The following MSH4 variants were observed in gnomAD, a reference collection of about 807,000 sequenced individuals.
MSH4 encodes the protein mutS protein homolog 4.
In MSH4, 106 loss-of-function variants were observed where a neutral mutation model predicts 113.7. The ratio of observed to expected loss-of-function variants is 0.93; its 90% CI spans 0.80 to 1.10. MSH4 has a LOEUF of 1.10. Among genes scored for constraint, MSH4 ranks in the 50% least tolerant of loss-of-function variants. The pLI is 0.00. For missense variants in MSH4, 1,061 were observed against 1,093.7 expected (o/e 0.97, Z 0.42); for synonymous variants, 368 against 380.2 (o/e 0.97, Z 0.37).
chr1:75,867,673 T>C (rs1284823297), intron 9 of MSH4, 85 bp downstream of exon 9: 11 of 842,650 alleles, frequency 1.3e-5, no homozygotes, highest in Non-Finnish European at 2.1e-5. Context: ...ACTCGGAAAA[T>C]TGCAAGAATA....
intron 9 of MSH4, among the ~76,000 whole-genome samples, chr1:75,870,677 C>T (rs112364509): frequency 0.28 from 42,330 of 152,038 alleles, 6,185 homozygotes; most frequent in Middle Eastern, 0.37. Context: ...TCACCTTCTG[C>T]CATGATTGTG....
intron 13 of MSH4, among the ~76,000 whole-genome samples, chr1:75,880,559 A>G (rs1328500668): frequency 6.6e-6 from 1 of 152,100 alleles, no homozygotes; most frequent in African/African-American, 2.4e-5. Flanking sequence ...ACAGCCAGAA[A>G]GAAGAAGTAG....
intron 7 of MSH4, among the ~76,000 whole-genome samples, chr1:75,829,487 C>T (rs940465872): frequency 2.0e-5 from 3 of 152,178 alleles, no homozygotes; most frequent in Admixed American, 6.5e-5. Context: ...AGACTGCCTC[C>T]CCAAGTGGGG....
intron 19 of MSH4, among the ~76,000 whole-genome samples, chr1:75,905,466 T>G (rs191711949): frequency 6.6e-5 from 10 of 152,268 alleles, no homozygotes; most frequent in Non-Finnish European, 1.5e-4. Flanking sequence ...TGTGGCCTAA[T>G]GTATTGTTTA....
intron 2 of MSH4, among the ~76,000 whole-genome samples, chr1:75,804,290 G>GATTTTATCTACTATTTTATCTA: frequency 6.6e-6 from 1 of 152,040 alleles, no homozygotes; most frequent in East Asian, 1.9e-4. Flanking sequence ...TTGAAGAGTA[G>GATTTTATCTACTATTTTATCTA]ATAGATAAAA....
At chr1:75,831,095 G>C (rs2100529894) in intron 7 of MSH4, among the ~76,000 whole-genome samples, 1 of 152,210 alleles carries the variant, frequency 6.6e-6, no homozygotes, top group East Asian at 1.9e-4. Flanking sequence ...ATGGAGGAAG[G>C]TGTACCAAGC....
At chr1:75,884,975 G>T (rs1652030765) in intron 15 of MSH4, among the ~76,000 whole-genome samples, 1 of 69,940 alleles carries the variant, frequency 1.4e-5, no homozygotes, top group Admixed American at 1.7e-4. Context: ...GTATATGTAT[G>T]TATGTATATA....
chr1:75,828,609 G>A (rs191875862), intron 7 of MSH4, among the ~76,000 whole-genome samples: 128 of 152,192 alleles, frequency 8.4e-4, no homozygotes, highest in African/African-American at 2.9e-3. Flanking sequence ...TAAACATTGG[G>A]TACACATGGG....
chr1:75,879,922 T>G, intron 12 of MSH4, 128 bp from the exon 13 acceptor site: 2 of 607,730 alleles, frequency 3.3e-6, no homozygotes, highest in Non-Finnish European at 5.8e-6. Context: ...ATTTAGAACT[T>G]TCTTTGTGAT....
intron 17 of MSH4, among the ~76,000 whole-genome samples, chr1:75,896,316 T>C (rs938097392): frequency 4.7e-5 from 7 of 148,570 alleles, no homozygotes; most frequent in Admixed American, 1.4e-4. Flanking sequence ...ATGAGCCAAT[T>C]CCATATAATA....
chr1:75,807,148 A>G lies in MSH4; in HGVS notation c.588+7A>G, dbSNP rs372182363. The G allele has an allele frequency of 4.6e-6, 7 of 1,529,528 alleles. No individual in the cohort carries two copies. The highest frequency in any genetic ancestry group is 4.3e-5 in the African/African-American group (3 of 69,728). The allele number at this position is 1,529,528 out of a possible 1,614,324, so 94.7% of individuals were successfully genotyped here. On this transcript the variant is annotated splice_region_variant and intron_variant, in intron 3 of 19. Coordinates refer to ENST00000263187, the MANE Select transcript of MSH4 (RefSeq NM_002440.4). ...CAACACAACATATGCAAAGGTAAGT[A>G]TTAATAATTCTAGAAAATGGTTGCT...
intron 15 of MSH4, among the ~76,000 whole-genome samples, chr1:75,885,802 G>A (rs1226822175): frequency 1.9e-4 from 22 of 113,398 alleles, no homozygotes; most frequent in Admixed American, 4.7e-4. Context: ...ACTATATAAT[G>A]TATTACATAT....
chr1:75,844,254 A>G (rs1466553736), intron 7 of MSH4, among the ~76,000 whole-genome samples: 2 of 152,236 alleles, frequency 1.3e-5, no homozygotes, highest in Non-Finnish European at 2.9e-5. Flanking sequence ...CTGTATTTCA[A>G]GTATGGGGAA....
intron 4 of MSH4, among the ~76,000 whole-genome samples, chr1:75,812,659 ACTG>A (rs1650214704): frequency 6.6e-6 from 1 of 152,172 alleles, no homozygotes; most frequent in Non-Finnish European, 1.5e-5. Context: ...GTGCCATTGC[ACTG>A]CAGCCTGGGC....
At chr1:75,820,348 A>C (rs5745380) in intron 6 of MSH4, among the ~76,000 whole-genome samples, 6,312 of 152,328 alleles carry the variant, frequency 0.041, 156 homozygotes, top group African/African-American at 0.046. Flanking sequence ...TGAGTTAGGG[A>C]GGATTCCCTC....
At chr1:75,870,292 C>T (rs1651683427) in intron 9 of MSH4, among the ~76,000 whole-genome samples, 1 of 152,148 alleles carries the variant, frequency 6.6e-6, no homozygotes, top group South Asian at 2.1e-4. Flanking sequence ...GGCTCATAGG[C>T]AGAAGGGACT....
At chr1:75,880,784 A>C (rs1186437404) in intron 13 of MSH4, among the ~76,000 whole-genome samples, 1 of 151,950 alleles carries the variant, frequency 6.6e-6, no homozygotes, top group South Asian at 2.1e-4. Context: ...GTCTGTGTGC[A>C]TGTGTGTGAG....
chr1:75,901,084 C>T (rs1382616985), intron 19 of MSH4, among the ~76,000 whole-genome samples: 1 of 151,798 alleles, frequency 6.6e-6, no homozygotes, highest in Non-Finnish European at 1.5e-5. Context: ...TATTTTGATA[C>T]TTGCATGCAA....
At position 75,880,038 on chromosome 1, in the gene MSH4, A is replaced by C; in HGVS notation, c.1678-12A>C. Reference sequence around the variant, plus strand: ...CATTTATCTTGACATTTGTTTTTTAATCTCCAAGCAGATTTCTAAAGTGAA... The same window carrying C: ...CATTTATCTTGACATTTGTTTTTTACTCTCCAAGCAGATTTCTAAAGTGAA... On this transcript the variant is annotated splice_polypyrimidine_tract_variant and intron_variant, in intron 12 of 19. Transcript: ENST00000263187. 1 of 1,360,138 alleles carries C rather than the reference A, an allele frequency of 7.4e-7. No homozygotes were observed. Among genetic ancestry groups the C allele is most frequent in the Non-Finnish European group, 1.0e-6 (1 of 957,302 alleles). The allele number at this position is 1,360,138 out of a possible 1,614,324, so 84.3% of individuals were successfully genotyped here.
Sources: gnomAD v4.1 joint callset for allele counts (sites outside exome capture counted in the v4.1 genomes callset) on GRCh38, gnomAD v4.1.1 for gene constraint, MANE v1.5 for transcripts, NCBI Gene and HGNC (gene_info 2026-07-23, HGNC 2026-07-21) for gene names.